Variants in BAZ1A observed in about 807,000 individuals in gnomAD.
BAZ1A encodes bromodomain adjacent to zinc finger domain 1A.
A neutral mutation model predicts 185.2 loss-of-function variants in BAZ1A; 50 were observed. That is an observed-to-expected ratio of 0.27 (90% CI 0.22 to 0.34). The LOEUF (loss-of-function observed/expected upper bound fraction) is 0.34. BAZ1A is among the 10% of genes least tolerant of loss of function. The pLI, the probability that BAZ1A is intolerant of heterozygous loss-of-function variation, is 1.00. For missense variants in BAZ1A, 1,356 were observed against 1,839.9 expected, an observed-to-expected ratio of 0.74 and a Z score of 4.81; for synonymous variants, 571 against 615.6, an observed-to-expected ratio of 0.93 and a Z score of 1.07.
chr14:34,783,537 T>C (rs1880193262), intron 15 of BAZ1A, among the ~76,000 whole-genome samples: 1 of 152,082 alleles, frequency 6.6e-6, no homozygotes, highest in East Asian at 1.9e-4. Context: ...GATTTGGCCA[T>C]GTTGGCCAGG....
intron 21 of BAZ1A, among the ~76,000 whole-genome samples, chr14:34,770,525 G>A (rs139968111): frequency 2.0e-5 from 3 of 152,278 alleles, no homozygotes; most frequent in African/African-American, 4.8e-5. Flanking sequence ...TATGGTTTAA[G>A]AAAGTTATTT....
intron 12 of BAZ1A, among the ~76,000 whole-genome samples, chr14:34,790,788 A>G (rs1192563586): frequency 6.6e-6 from 1 of 152,170 alleles, no homozygotes; most frequent in African/African-American, 2.4e-5. Flanking sequence ...ACATAGTTCT[A>G]TATAGGGAAT....
Position 34,874,648 on chromosome 14 carries a change from G to C in BAZ1A, c.-44C>G. ...CTCGCCTGGACCCTCGGCCGCCCGC[G>C]CCGGCCCCGCTTCCCTATCAAAATT... On this transcript the variant is annotated 5_prime_UTR_variant, in exon 2 of 27. Coordinates refer to ENST00000360310, the MANE Select transcript of BAZ1A (RefSeq NM_013448.3). This position sits in a 1 kb window ranked among gnomAD's most constrained non-coding sequence, Gnocchi z 4.7. 1 of 1,503,090 alleles carries C rather than the reference G, an allele frequency of 6.7e-7. No individual in the cohort carries two copies. Among genetic ancestry groups the C allele is most frequent in the Non-Finnish European group, 9.1e-7 (1 of 1,100,490 alleles). The allele number at this position is 1,503,090 out of a possible 1,614,324, so 93.1% of individuals were successfully genotyped here.
chr14:34,755,058 GATAT>G, intron 25 of BAZ1A, 144 bp from the exon 26 acceptor site: 1 of 548,498 alleles, frequency 1.8e-6, no homozygotes. Flanking sequence ...TCTCTATATA[GATAT>G]ATATGTCTAT....
Position 34,764,692 on chromosome 14 carries a change from C to T in BAZ1A, c.3776+15G>A. On this transcript the variant is annotated intron_variant, in intron 23 of 26. Coordinates refer to ENST00000360310, the MANE Select transcript of BAZ1A (RefSeq NM_013448.3). ...TAAGACTTACTGACTCATTTTATTGCATGTTAGGACTTACCTGACTTCTTC... is the reference window on the plus strand; with the variant it reads ...TAAGACTTACTGACTCATTTTATTGTATGTTAGGACTTACCTGACTTCTTC... The T allele has an allele frequency of 6.3e-7, 1 of 1,583,294 alleles. No homozygotes were observed. Among genetic ancestry groups the T allele is most frequent in the Non-Finnish European group, 8.6e-7 (1 of 1,163,412 alleles).
Position 34,857,298 on chromosome 14 carries a change from G to A in BAZ1A, c.392+4746C>T, listed in dbSNP as rs866605299. Among the ~76,000 whole-genome samples the A allele has an allele frequency of 8.6e-5, 13 of 151,906 alleles. No homozygotes were observed. In the Middle Eastern group the frequency reaches 0.01, roughly 119 times the overall value. ...TGGGATTACAGGCTTGAGCCACAAC[G>A]CACCCAGTCTCTTCTTCATTTTAGA... is the stretch of plus-strand genomic sequence containing the variant. On this transcript the variant is annotated intron_variant, in intron 3 of 26. Transcript: ENST00000360310.
Position 34,784,367 on chromosome 14 carries a change from C to CCAAAAAAAAAA in BAZ1A, c.1832-441_1832-440insTTTTTTTTTTG, listed in dbSNP as rs1225939081. On this transcript the variant is annotated intron_variant, in intron 14 of 26. Transcript: ENST00000360310. ...TGGGCAACTGAGTGAGACTCTGTCT[C>CCAAAAAAAAAA]AAAAAAAAAAAAAAAAAAAAAAAAA... Among the ~76,000 whole-genome samples, 60 of 77,170 alleles carry CCAAAAAAAAAA rather than the reference C, an allele frequency of 7.8e-4. 10 individuals are homozygous for CCAAAAAAAAAA. Among genetic ancestry groups the CCAAAAAAAAAA allele is most frequent in the African/African-American group, 1.7e-3 (28 of 16,416 alleles). 50.6% of individuals were successfully genotyped at this position (77,170 alleles called of 152,430 possible). A position where few individuals can be genotyped will look rare whatever the true frequency, so the allele number is the denominator to read the frequency against.
intron 3 of BAZ1A, among the ~76,000 whole-genome samples, chr14:34,842,499 T>C (rs2042432197): frequency 6.6e-6 from 1 of 152,244 alleles, no homozygotes; most frequent in African/African-American, 2.4e-5. Context: ...TTTGCTTCAA[T>C]GATCAGATTA....
chr14:34,765,044 A>G lies in BAZ1A; in HGVS notation c.3526T>C (p.Tyr1176His), dbSNP rs745388986. 1 of 1,614,230 alleles carries G rather than the reference A, an allele frequency of 6.2e-7. No individual in the cohort carries two copies. The highest frequency in any genetic ancestry group is 1.1e-5 in the South Asian group (1 of 91,076). The change falls in exon 22 of 27, where the codon TAC (tyrosine) becomes CAC (histidine). Residue 1176 changes from tyrosine (Y) to histidine (H), a missense_variant. By Grantham distance (83) the Tyr-to-His change is moderately conservative. Coordinates refer to ENST00000360310, the MANE Select transcript of BAZ1A (RefSeq NM_013448.3). ...CDGCDRGHHT[Y>H]CVRPKLKTVP... ...ACCTTGAGCTTTGGTCGAACACAGT[A>G]GGTATGATGACCCCTATCACAGCCA...
intron 2 of BAZ1A, among the ~76,000 whole-genome samples, chr14:34,866,502 A>AAAAAAAAAAAAAAAAAAAGGAAAAAAAG: frequency 2.5e-5 from 2 of 79,538 alleles, no homozygotes; most frequent in African/African-American, 3.8e-5. Context: ...AAAAAAAAAA[A>AAAAAAAAAAAAAAAAAAAGGAAAAAAAG]GAAAAAAGTT....
intron 3 of BAZ1A, among the ~76,000 whole-genome samples, chr14:34,835,536 T>C (rs1160746144): frequency 6.6e-6 from 1 of 151,936 alleles, no homozygotes. Context: ...GCCCAGGCAA[T>C]GCGAGGCTCC....
intron 7 of BAZ1A, among the ~76,000 whole-genome samples, chr14:34,801,467 T>C (rs1338554386): frequency 3.4e-5 from 5 of 148,762 alleles, no homozygotes; most frequent in African/African-American, 9.9e-5. Context: ...AATTTTTTTT[T>C]GTATTTTTAG....
intron 3 of BAZ1A, among the ~76,000 whole-genome samples, chr14:34,827,954 T>C (rs2042187025): frequency 6.6e-6 from 1 of 152,028 alleles, no homozygotes; most frequent in Non-Finnish European, 1.5e-5. Context: ...ATACTGTATC[T>C]GGATTTTATG....
rs757763970 is a variant in BAZ1A at position 34,874,453 on chromosome 14, C to G, written c.113+39G>C. ...CAAAAGAGCGCTGCGGGGGGAGTCC[C>G]CACACCCCCCGCGGCCCCGCACACG... On this transcript the variant is annotated intron_variant, in intron 2 of 26. Transcript: ENST00000360310. This position sits in a 1 kb window ranked among gnomAD's most constrained non-coding sequence, Gnocchi z 4.7. 1 of 1,544,616 alleles carries G rather than the reference C, an allele frequency of 6.5e-7. No individual in the cohort carries two copies. Among genetic ancestry groups the G allele is most frequent in the Non-Finnish European group, 8.9e-7 (1 of 1,118,420 alleles).
At chr14:34,792,968 T>C in intron 11 of BAZ1A, 47 bp from the exon 12 acceptor site, 1 of 1,526,094 alleles carries the variant, frequency 6.6e-7, no homozygotes, top group South Asian at 1.2e-5. Flanking sequence ...GTTCATGTAC[T>C]GAAAAAACAA....
intron 3 of BAZ1A, among the ~76,000 whole-genome samples, chr14:34,834,382 T>C (rs2042296717): frequency 6.6e-6 from 1 of 152,104 alleles, no homozygotes; most frequent in African/African-American, 2.4e-5. Flanking sequence ...CCAATTACAG[T>C]TGATGTGAGG....
intron 7 of BAZ1A, among the ~76,000 whole-genome samples, chr14:34,801,857 G>A (rs1032727911): frequency 6.7e-6 from 1 of 148,200 alleles, no homozygotes; most frequent in Non-Finnish European, 1.5e-5. Context: ...AGTGAGCCAA[G>A]ATCGTGCCAC....
intron 17 of BAZ1A, 32 bp from the exon 18 acceptor site, chr14:34,776,547 C>A (rs938764846): frequency 1.3e-5 from 19 of 1,510,898 alleles, no homozygotes; most frequent in African/African-American, 5.6e-5. Flanking sequence ...TCATCATCAT[C>A]ATATTTCAAG....
At chr14:34,849,011 A>G (rs1379513004) in intron 3 of BAZ1A, among the ~76,000 whole-genome samples, 5 of 152,212 alleles carry the variant, frequency 3.3e-5, no homozygotes, top group Admixed American at 6.5e-5. Flanking sequence ...CAGAAACAGC[A>G]CACGTGGCTA....
Sources: allele counts gnomAD v4.1 joint callset (sites outside exome capture counted in the v4.1 genomes callset), GRCh38; gene constraint gnomAD v4.1.1; non-coding constraint Gnocchi (gnomAD v3.1); transcripts MANE v1.5; gene names NCBI Gene and HGNC (gene_info 2026-07-23, HGNC 2026-07-21).